Variants in EXOC4 observed in about 807,000 individuals in gnomAD.
EXOC4 encodes exocyst complex component 4.
Under a neutral mutation model 107.2 loss-of-function variants are expected in EXOC4, and 71 were observed. The observed-to-expected ratio is 0.66, with a 90% CI of 0.55 to 0.81. EXOC4 has a LOEUF of 0.81. EXOC4 is among the 30% of genes least tolerant of loss of function. EXOC4 has a pLI of 0.00. For synonymous variants in EXOC4, 456 were observed against 441.2 expected (o/e 1.03, Z -0.42); for missense variants, 1,108 against 1,189.6 (o/e 0.93, Z 1.01).
chr7:133,302,381 G>A (rs1794659349), intron 3 of EXOC4, among the ~76,000 whole-genome samples: 1 of 151,974 alleles, frequency 6.6e-6, no homozygotes, highest in Admixed American at 6.5e-5. Context: ...ATAGGTGTTC[G>A]GTGAAAAAAT....
At chr7:134,000,972 C>T (rs1794519062) in intron 15 of EXOC4, among the ~76,000 whole-genome samples, 1 of 152,096 alleles carries the variant, frequency 6.6e-6, no homozygotes, top group African/African-American at 2.4e-5. Flanking sequence ...AAACCAAAAA[C>T]TGTTTTCCAA....
chr7:133,988,855 A>G (rs1372981915), intron 14 of EXOC4, among the ~76,000 whole-genome samples: 2 of 152,210 alleles, frequency 1.3e-5, no homozygotes, highest in Non-Finnish European at 2.9e-5. Flanking sequence ...TTGGACAGAA[A>G]TAAAAAATCT....
chr7:133,375,618 T>C (rs1484200944), intron 7 of EXOC4, among the ~76,000 whole-genome samples: 1 of 152,214 alleles, frequency 6.6e-6, no homozygotes, highest in Non-Finnish European at 1.5e-5. Context: ...TAAAAAACAT[T>C]AAAATATTCT....
chr7:133,902,045 C>T (rs1010178396), intron 12 of EXOC4, among the ~76,000 whole-genome samples: 3 of 152,206 alleles, frequency 2.0e-5, no homozygotes, highest in African/African-American at 4.8e-5. Context: ...ACCTATTCTT[C>T]GTGAGATCCT....
At chr7:134,002,943 A>G (rs542436213) in intron 15 of EXOC4, among the ~76,000 whole-genome samples, 33 of 152,314 alleles carry the variant, frequency 2.2e-4, no homozygotes, top group African/African-American at 7.9e-4. Flanking sequence ...TACACTTACC[A>G]TAAGTGAGAT....
intron 17 of EXOC4, among the ~76,000 whole-genome samples, chr7:134,047,882 C>T (rs766937653): frequency 3.9e-5 from 6 of 152,156 alleles, no homozygotes; most frequent in South Asian, 2.1e-4. Context: ...CATGGCCTTG[C>T]GGTAAAGAAA....
chr7:133,376,095 G>T (rs867298647), intron 7 of EXOC4, among the ~76,000 whole-genome samples: 1 of 152,220 alleles, frequency 6.6e-6, no homozygotes, highest in Middle Eastern at 3.4e-3. Flanking sequence ...AATCATGAAT[G>T]TAAATTATAG....
intron 5 of EXOC4, among the ~76,000 whole-genome samples, chr7:133,322,960 T>G (rs952989724): frequency 1.1e-4 from 16 of 152,306 alleles, no homozygotes; most frequent in Admixed American, 3.9e-4. Flanking sequence ...CCTAAGTATT[T>G]TATTCTCTTT....
At chr7:133,867,362 C>G (rs1339160413) in intron 11 of EXOC4, among the ~76,000 whole-genome samples, 1 of 152,204 alleles carries the variant, frequency 6.6e-6, no homozygotes, top group African/African-American at 2.4e-5. Context: ...AGTCAGTACT[C>G]AGTAAATGTT....
chr7:134,067,024 C>A (rs1305711033), downstream of EXOC4, among the ~76,000 whole-genome samples: 1 of 151,844 alleles, frequency 6.6e-6, no homozygotes, highest in African/African-American at 2.4e-5. Flanking sequence ...GTGGTGCACA[C>A]CTGTAATCCC....
At chr7:133,465,808 A>T (rs1272680446) in intron 7 of EXOC4, among the ~76,000 whole-genome samples, 2 of 152,170 alleles carry the variant, frequency 1.3e-5, no homozygotes, top group Non-Finnish European at 2.9e-5. Context: ...AAAGACCTAA[A>T]TAATCATATG....
At chr7:133,911,045 C>T (rs555412359) in intron 12 of EXOC4, among the ~76,000 whole-genome samples, 3 of 152,236 alleles carry the variant, frequency 2.0e-5, no homozygotes, top group East Asian at 3.9e-4. Context: ...AGCTGTATCT[C>T]GAGGGTGGAC....
At chr7:134,069,526 C>G (rs1232854431), downstream of EXOC4, among the ~76,000 whole-genome samples, 1 of 152,068 alleles carries the variant, frequency 6.6e-6, no homozygotes, top group Non-Finnish European at 1.5e-5. Flanking sequence ...GAGACAAGGT[C>G]TCACTCTGTT....
intron 2 of EXOC4, among the ~76,000 whole-genome samples, chr7:133,279,008 C>T (rs980546484): frequency 4.6e-5 from 7 of 151,766 alleles, no homozygotes; most frequent in African/African-American, 1.7e-4. Context: ...TGTGATGTTC[C>T]CCTTCCTGTG....
chr7:133,404,084 A>G (rs1487709573), intron 7 of EXOC4, among the ~76,000 whole-genome samples: 1 of 151,954 alleles, frequency 6.6e-6, no homozygotes, highest in Admixed American at 6.6e-5. Flanking sequence ...TCTAAATGAC[A>G]AATCCCTCCT....
At chr7:133,820,316 AT>A (rs909068315) in intron 11 of EXOC4, among the ~76,000 whole-genome samples, 43 of 151,224 alleles carry the variant, frequency 2.8e-4, no homozygotes, top group African/African-American at 7.8e-4. Context: ...GGAGATGGTT[AT>A]TTTTTTTTCC....
At chr7:133,720,516 T>G (rs1241209131) in intron 10 of EXOC4, among the ~76,000 whole-genome samples, 1 of 152,180 alleles carries the variant, frequency 6.6e-6, no homozygotes, top group Non-Finnish European at 1.5e-5. Flanking sequence ...TATTTTATTT[T>G]CTATTCATGT....
the EXOC4 span, among the ~76,000 whole-genome samples, chr7:134,095,473 T>C: frequency 1.3e-5 from 2 of 152,098 alleles, no homozygotes; most frequent in Non-Finnish European, 2.9e-5. Context: ...AAAACTATTC[T>C]AAAATTCATA....
intron 7 of EXOC4, among the ~76,000 whole-genome samples, chr7:133,435,746 G>A (rs888166882): frequency 6.6e-6 from 1 of 151,872 alleles, no homozygotes; most frequent in African/African-American, 2.4e-5. Context: ...TTAAGTTTTA[G>A]CTATTCCATG....
Sources: gnomAD v4.1 joint callset for allele counts (sites outside exome capture counted in the v4.1 genomes callset) on GRCh38, gnomAD v4.1.1 for gene constraint, MANE v1.5 for transcripts, NCBI Gene and HGNC (gene_info 2026-07-23, HGNC 2026-07-21) for gene names.